The following KICS2 variants were observed in gnomAD, a reference collection of about 807,000 sequenced individuals.
The protein encoded by KICS2 is KICSTOR complex protein C12orf66.
KICS2 carries 13 observed loss-of-function variants against 31.4 expected under a neutral mutation model. The observed-to-expected ratio is 0.41, with a 90% CI of 0.27 to 0.66. The LOEUF (loss-of-function observed/expected upper bound fraction) is 0.66. KICS2 is among the 30% of genes least tolerant of loss of function. The pLI is 0.28. For synonymous variants in KICS2, 209 were observed against 214.8 expected, an observed-to-expected ratio of 0.97 and a Z score of 0.24; for missense variants, 455 against 545.4, an observed-to-expected ratio of 0.83 and a Z score of 1.65.
intron 2 of KICS2, among the ~76,000 whole-genome samples, chr12:64,196,590 G>C (rs1240365465): frequency 6.6e-6 from 1 of 151,756 alleles, no homozygotes; most frequent in African/African-American, 2.4e-5. Context: ...ATGGAACAAA[G>C]CTGGATGGAG....
intron 2 of KICS2, among the ~76,000 whole-genome samples, chr12:64,211,386 T>TG (rs893015503): frequency 1.3e-5 from 2 of 152,070 alleles, no homozygotes; most frequent in Non-Finnish European, 2.9e-5. Flanking sequence ...AAGGCTGAGG[T>TG]GGGGGGATCA....
chr12:64,196,105 A>T (rs2037434210), intron 2 of KICS2, among the ~76,000 whole-genome samples: 1 of 152,248 alleles, frequency 6.6e-6, no homozygotes, highest in Non-Finnish European at 1.5e-5. Context: ...ACCACAGCTC[A>T]AGGAGGCCTG....
At chr12:64,219,824 T>G (rs1037189056) in intron 1 of KICS2, among the ~76,000 whole-genome samples, 6 of 152,230 alleles carry the variant, frequency 3.9e-5, no homozygotes, top group Non-Finnish European at 8.8e-5. Flanking sequence ...GTTTTAAATT[T>G]TTTAAACGCA....
At chr12:64,211,672 T>G (rs902010590) in intron 2 of KICS2, among the ~76,000 whole-genome samples, 6 of 151,912 alleles carry the variant, frequency 3.9e-5, no homozygotes, top group Admixed American at 3.9e-4. Flanking sequence ...GGGAACTAAG[T>G]GGCTAAGAGG....
chr12:64,188,212 A>G (rs2037353548), downstream of KICS2, among the ~76,000 whole-genome samples: 1 of 152,218 alleles, frequency 6.6e-6, no homozygotes, highest in Admixed American at 6.5e-5. Context: ...GCTATGAGAA[A>G]GAAATCAGAA....
chr12:64,210,203 T>C (rs1592386485), intron 2 of KICS2, among the ~76,000 whole-genome samples: 1 of 152,262 alleles, frequency 6.6e-6, no homozygotes, highest in Non-Finnish European at 1.5e-5. Context: ...TAGATCATTT[T>C]CAGGCTAGGA....
chr12:64,210,508 T>C (rs369223543), intron 2 of KICS2, among the ~76,000 whole-genome samples: 1 of 152,140 alleles, frequency 6.6e-6, no homozygotes, highest in South Asian at 2.1e-4. Context: ...TCCCAGCACT[T>C]TGGGCACCTG....
At position 64,192,510 on chromosome 12, in the gene KICS2, T is replaced by A; in HGVS notation, c.*1332A>T. 1 of 700,196 alleles carries A rather than the reference T, an allele frequency of 1.4e-6. No individual in the cohort carries two copies. Among genetic ancestry groups the A allele is most frequent in the South Asian group, 6.4e-5 (1 of 15,598 alleles). The allele number at this position is 700,196 out of a possible 1,614,324, so 43.4% of individuals were successfully genotyped here. On this transcript the variant is annotated 3_prime_UTR_variant, in exon 3 of 3. Transcript: ENST00000398055. ...TGAGGGGCTCTCTGGTCTCTGCTGA[T>A]GTTGCTGGCATACCTGCTGTGGACA...
chr12:64,222,093 C>G lies in KICS2; in HGVS notation c.145G>C (p.Gly49Arg), dbSNP rs1366277566. ...KEREANKSAG[G>R]SWLSLLAALA... ...GCCGCCAGCAGCGACAGCCAGCTGCCCCCCGCGCTCTTGTTGGCCTCTCGT... is the reference window on the plus strand; with the variant it reads ...GCCGCCAGCAGCGACAGCCAGCTGCGCCCCGCGCTCTTGTTGGCCTCTCGT... Residue 49 changes from glycine to arginine, a missense_variant, in exon 1 of 3, where the codon GGC (glycine) becomes CGC (arginine). Physicochemically the swap from Gly to Arg is moderately radical, Grantham distance 125. Transcript: ENST00000398055. 6.2e-7 allele frequency: 1 copy of G among 1,613,968 alleles called. No homozygotes were observed. Among genetic ancestry groups the G allele is most frequent in the Admixed American group, 1.7e-5 (1 of 60,010 alleles).
At chr12:64,197,476 G>A (rs1484423051) in intron 2 of KICS2, among the ~76,000 whole-genome samples, 1 of 151,140 alleles carries the variant, frequency 6.6e-6, no homozygotes, top group African/African-American at 2.4e-5. Context: ...GGAACAACCA[G>A]TACCAGCCGC....
intron 2 of KICS2, among the ~76,000 whole-genome samples, chr12:64,210,066 G>A (rs1466540951): frequency 6.6e-6 from 1 of 152,058 alleles, no homozygotes; most frequent in African/African-American, 2.4e-5. Context: ...CCTAGCAAAG[G>A]GCAAAATCAT....
intron 2 of KICS2, among the ~76,000 whole-genome samples, chr12:64,198,034 C>T (rs1400050034): frequency 3.6e-5 from 3 of 82,650 alleles, no homozygotes; most frequent in African/African-American, 1.1e-4. Context: ...CAACATTAGA[C>T]AGATCAACGA....
downstream of KICS2, among the ~76,000 whole-genome samples, chr12:64,189,181 T>C (rs1328795767): frequency 6.6e-6 from 1 of 151,968 alleles, no homozygotes; most frequent in African/African-American, 2.4e-5. Context: ...ATAAATAAAA[T>C]AAAGAAAAGC....
rs2037409483 is a variant in KICS2, at chr12:64,194,172, G to C, written c.1008C>G (p.Tyr336Ter). The C allele has an allele frequency of 6.2e-7, 1 of 1,614,022 alleles. No individual in the cohort carries two copies. Among genetic ancestry groups the C allele is most frequent in the African/African-American group, 1.3e-5 (1 of 74,910 alleles). ...GGTCCACACCCTTGGGGGCCTCTCT[G>C]TAGGAATGGGGGTGGTGATAACCAT... is the stretch of plus-strand genomic sequence containing the variant. ...QGHGYHHPHS[Y>*]REAPKGVDQY... is the part of the protein sequence containing the mutation. The change falls in exon 3 of 3, where the codon TAC (tyrosine) becomes TAG (stop). Residue 336 changes from tyrosine (Y) to a stop codon, truncating the protein, a stop_gained. Coordinates refer to ENST00000398055, the MANE Select transcript of KICS2 (RefSeq NM_152440.5). LOFTEE classifies it high-confidence loss of function.
intron 2 of KICS2, among the ~76,000 whole-genome samples, chr12:64,206,668 A>T (rs1005142858): frequency 6.6e-6 from 1 of 152,224 alleles, no homozygotes; most frequent in African/African-American, 2.4e-5. Flanking sequence ...ATGGATAAAG[A>T]AAATGTGGTA....
At chr12:64,188,708 A>G (rs1329493819), downstream of KICS2, among the ~76,000 whole-genome samples, 3 of 152,154 alleles carry the variant, frequency 2.0e-5, no homozygotes, top group Non-Finnish European at 4.4e-5. Context: ...ACCAAAAAAA[A>G]TCTTGTGGTC....
intron 2 of KICS2, among the ~76,000 whole-genome samples, chr12:64,205,983 T>C (rs556126161): frequency 1.3e-5 from 2 of 152,328 alleles, no homozygotes; most frequent in Non-Finnish European, 2.9e-5. Context: ...GCAGGGTCTC[T>C]GAACAGCTCA....
intron 1 of KICS2, among the ~76,000 whole-genome samples, chr12:64,218,443 T>C (rs1458547009): frequency 6.6e-6 from 1 of 152,162 alleles, no homozygotes; most frequent in African/African-American, 2.4e-5. Context: ...AAAAAACAAA[T>C]GAAATAACAT....
At chr12:64,189,417 G>T (rs933093567), downstream of KICS2, among the ~76,000 whole-genome samples, 1 of 152,120 alleles carries the variant, frequency 6.6e-6, no homozygotes, top group Non-Finnish European at 1.5e-5. Context: ...ACAAAGAAAA[G>T]CTGAATCTGA....
Sources: gnomAD v4.1 joint callset for allele counts (sites outside exome capture counted in the v4.1 genomes callset) on GRCh38, gnomAD v4.1.1 for gene constraint, MANE v1.5 for transcripts, NCBI Gene and HGNC (gene_info 2026-07-23, HGNC 2026-07-21) for gene names.